The following TERB1 variants were observed in gnomAD, a reference collection of about 807,000 sequenced individuals.
The protein encoded by TERB1 is telomere repeats-binding bouquet formation protein 1.
Under a neutral mutation model 92.3 loss-of-function variants are expected in TERB1, and 63 were observed. That is an observed-to-expected ratio of 0.68 (90% CI 0.56 to 0.84). TERB1 has a LOEUF of 0.84. Ranked by LOEUF, TERB1 falls within the 40% of genes least tolerant of loss-of-function variation. The pLI, the probability that TERB1 is intolerant of heterozygous loss-of-function variation, is 0.00. For synonymous variants in TERB1, 252 were observed against 283.9 expected, an observed-to-expected ratio of 0.89 and a Z score of 1.13; for missense variants, 709 against 843.7, an observed-to-expected ratio of 0.84 and a Z score of 1.98.
At chr16:66,784,719 A>G (rs1050515444) in intron 9 of TERB1, among the ~76,000 whole-genome samples, 95 of 150,620 alleles carry the variant, frequency 6.3e-4, no homozygotes, top group African/African-American at 1.9e-3. Context: ...ACTGTTTCGC[A>G]GCATCCCACA....
At chr16:66,758,942 A>G (rs2145047581) in intron 17 of TERB1, 104 bp from the exon 18 acceptor site, 1 of 959,502 alleles carries the variant, frequency 1.0e-6, no homozygotes, top group East Asian at 2.7e-5. Flanking sequence ...TAGTGGGAAT[A>G]CTTAGATAGA....
chr16:66,769,877 C>T (rs1455969789), intron 14 of TERB1, 86 bp downstream of exon 14: 11 of 908,652 alleles, frequency 1.2e-5, no homozygotes, highest in African/African-American at 8.4e-5. Flanking sequence ...CTTCTACATG[C>T]CCAATATTTA....
intron 12 of TERB1, 63 bp downstream of exon 12, chr16:66,775,055 G>A: frequency 6.7e-7 from 1 of 1,503,278 alleles, no homozygotes; most frequent in Non-Finnish European, 9.0e-7. Context: ...GCTCATGAAA[G>A]CAGAAATAAA....
intron 13 of TERB1, among the ~76,000 whole-genome samples, chr16:66,771,497 C>G (rs1405725098): frequency 1.3e-5 from 2 of 152,174 alleles, no homozygotes; most frequent in Non-Finnish European, 2.9e-5. Flanking sequence ...TAAACTTTCC[C>G]TAAAGTTCAC....
chr16:66,775,183 G>C lies in TERB1; in HGVS notation c.1046C>G (p.Thr349Ser), dbSNP rs774439016. Reference sequence around the variant, plus strand: ...GTTCAGTTCCTCATTCTGCGATTCAGTTAAGGCTTGAATCATGAGTGGAAG... The same window carrying C: ...GTTCAGTTCCTCATTCTGCGATTCACTTAAGGCTTGAATCATGAGTGGAAG... ...NGLPLMIQAL[T>S]ESQNEELNKA... The change falls in exon 12 of 19, where the codon ACT (threonine) becomes AGT (serine). Residue 349 changes from threonine to serine, a missense_variant. Thr to Ser is a moderately conservative substitution (Grantham distance 58, BLOSUM62 1). Transcript: ENST00000433154. 7.1e-6 allele frequency: 11 copies of C among 1,551,414 alleles called. No individual in the cohort carries two copies. The South Asian group carries it at 1.2e-4, about 17-fold the overall frequency.
chr16:66,792,821 T>C (rs1180529525), intron 3 of TERB1, among the ~76,000 whole-genome samples: 2 of 152,166 alleles, frequency 1.3e-5, no homozygotes, highest in Non-Finnish European at 2.9e-5. Flanking sequence ...CAAATTTTTG[T>C]ATATCTAAAC....
chr16:66,790,672 T>G lies in TERB1; in HGVS notation c.194A>C (p.Asn65Thr). ...GCTATGTTCACTTGACTTTGCAAGA[T>G]TTTTTACAAACATCAAACCACCAAT... is the stretch of plus-strand genomic sequence containing the variant. The part of the protein sequence containing the change: ...REIGGLMFVK[N>T]LAKSSEHSMV... The change falls in exon 5 of 19, where the codon AAT (asparagine) becomes ACT (threonine). Residue 65 changes from asparagine (N) to threonine (T), a missense_variant. Asn to Thr is a moderately conservative substitution (Grantham distance 65, BLOSUM62 0). Transcript: ENST00000433154. The G allele has an allele frequency of 1.3e-6, 2 of 1,551,038 alleles. No individual in the cohort carries two copies. The highest frequency in any genetic ancestry group is 1.7e-6 in the Non-Finnish European group (2 of 1,146,614).
rs1369603286 is a variant in TERB1 at position 66,775,254 on chromosome 16, TAAAC to T, written c.986-15_986-12del. On this transcript the variant is annotated splice_polypyrimidine_tract_variant and intron_variant, in intron 11 of 18. Transcript: ENST00000433154. ...CATACTGATTTTCCTCTGGAAAACA[TAAAC>T]AAAGAGGACAATGTTTTTTATCATA... 3.0e-5 allele frequency: 47 copies of T among 1,545,064 alleles called. No homozygotes were observed. Among genetic ancestry groups the T allele is most frequent in the Non-Finnish European group, 3.8e-5 (43 of 1,141,440 alleles).
chr16:66,785,458 T>G (rs2018712243), intron 9 of TERB1, among the ~76,000 whole-genome samples: 1 of 152,206 alleles, frequency 6.6e-6, no homozygotes, highest in East Asian at 1.9e-4. Context: ...TATTTGGGGC[T>G]TTTCTAGATG....
At chr16:66,800,192 C>G (rs1034537237) in intron 2 of TERB1, 2 of 151,702 alleles carry the variant, frequency 1.3e-5, no homozygotes, top group African/African-American at 4.8e-5. Context: ...GGTGAAACCC[C>G]GTCTCTACCA....
intron 9 of TERB1, among the ~76,000 whole-genome samples, chr16:66,784,526 G>C (rs1399127541): frequency 6.6e-6 from 1 of 151,700 alleles, no homozygotes; most frequent in East Asian, 1.9e-4. Context: ...TAGAGACAAG[G>C]TTTCGTCACA....
chr16:66,799,714 C>T (rs191525817), intron 2 of TERB1, among the ~76,000 whole-genome samples: 432 of 152,136 alleles, frequency 2.8e-3, no homozygotes, highest in Middle Eastern at 0.01. Flanking sequence ...CTTACAAACA[C>T]CCATAGCAAA....
chr16:66,790,106 A>G (rs1226361391), intron 5 of TERB1, among the ~76,000 whole-genome samples: 2 of 152,194 alleles, frequency 1.3e-5, no homozygotes, highest in African/African-American at 4.8e-5. Context: ...CACACTGCAG[A>G]AAAGTGTTCT....
intron 16 of TERB1, among the ~76,000 whole-genome samples, chr16:66,761,730 G>A (rs2018253843): frequency 6.6e-6 from 1 of 151,802 alleles, no homozygotes; most frequent in Non-Finnish European, 1.5e-5. Context: ...CAAGGCTGCA[G>A]TGAGCCATGA....
intron 11 of TERB1, among the ~76,000 whole-genome samples, chr16:66,776,691 G>T (rs1038115254): frequency 6.6e-6 from 1 of 151,964 alleles, no homozygotes; most frequent in African/African-American, 2.4e-5. Flanking sequence ...TGAACAGAGG[G>T]AGAATGGGAG....
At position 66,768,152 on chromosome 16, in the gene TERB1, G is replaced by A. The variant is rs761289638; in HGVS notation, c.1636C>T (p.His546Tyr). The change falls in exon 15 of 19, where the codon CAC (histidine) becomes TAC (tyrosine). Residue 546 changes from histidine (H) to tyrosine (Y), a missense_variant. Physicochemically the swap from His to Tyr is moderately conservative, Grantham distance 83 (BLOSUM62 2). Transcript: ENST00000433154. ...ATATTTTTGGCAATGTGAACTGGGT[G>A]TTTAAAAACATGGTCACTAAAAGAA... ...VSQSSDHVFK[H>Y]PVHIAKNIKQ... is the part of the protein sequence containing the mutation. 7.7e-6 allele frequency: 12 copies of A among 1,549,552 alleles called. No individual in the cohort carries two copies. In the South Asian group the frequency reaches 1.3e-4, roughly 17 times the overall value.
Position 66,755,140 on chromosome 16 carries a change from A to G in TERB1, c.2020T>C (p.Phe674Leu). The G allele has an allele frequency of 3.2e-6, 5 of 1,544,890 alleles. No individual in the cohort carries two copies. The highest frequency in any genetic ancestry group is 4.4e-6 in the Non-Finnish European group (5 of 1,141,880). ...GIKKRRIRKN[F>L]TEEEVNYLFN... ...AGGTAATTTACTTCTTCTTCAGTAA[A>G]GTTTTTGCGAATTCTTCTTTTTTCT... Residue 674 changes from phenylalanine to leucine, a missense_variant, in exon 19 of 19, where the codon TTT becomes CTT. Coordinates refer to ENST00000433154, the MANE Select transcript of TERB1 (RefSeq NM_001136505.2).
chr16:66,794,096 C>T (rs1007382426), intron 3 of TERB1, among the ~76,000 whole-genome samples: 5 of 151,854 alleles, frequency 3.3e-5, no homozygotes, highest in East Asian at 1.9e-4. Flanking sequence ...GACTTTTCTT[C>T]TCTTTTCTTT....
intron 9 of TERB1, among the ~76,000 whole-genome samples, chr16:66,781,847 T>G (rs1329581063): frequency 6.6e-6 from 1 of 152,168 alleles, no homozygotes; most frequent in Non-Finnish European, 1.5e-5. Flanking sequence ...AAATGTTTCT[T>G]AAATATTTTC....
Sources: allele counts gnomAD v4.1 joint callset (sites outside exome capture counted in the v4.1 genomes callset), GRCh38; gene constraint gnomAD v4.1.1; transcripts MANE v1.5; gene names NCBI Gene and HGNC (gene_info 2026-07-23, HGNC 2026-07-21).